The following PRKG1 variants were observed in gnomAD, a reference collection of about 807,000 sequenced individuals.
PRKG1 encodes the protein cGMP-dependent protein kinase 1.
Under a neutral mutation model 88.1 loss-of-function variants are expected in PRKG1, and 35 were observed. The ratio of observed to expected loss-of-function variants is 0.40; its 90% CI spans 0.30 to 0.53. The LOEUF (loss-of-function observed/expected upper bound fraction) is 0.53. PRKG1 is among the 20% of genes least tolerant of loss of function. PRKG1 has a pLI of 0.59. For missense variants in PRKG1, 540 were observed against 839.8 expected, an observed-to-expected ratio of 0.64 and a Z score of 4.41; for synonymous variants, 303 against 292.5, an observed-to-expected ratio of 1.04 and a Z score of -0.37.
rs113645943 is a variant in PRKG1 at position 51,535,556 on chromosome 10, C to A, written c.592+67720C>A. Among the ~76,000 whole-genome samples the A allele has an allele frequency of 6.1e-3, 922 of 152,084 alleles. 10 individuals are homozygous for A. Among genetic ancestry groups the A allele is most frequent in the African/African-American group, 0.021 (865 of 41,484 alleles). On this transcript the variant is annotated intron_variant, in intron 3 of 17. Transcript: ENST00000373980. ...AAATCAATTTTTGTTATAAGAAAGT[C>A]GTTTTATCTTTTATCTTTTTCTTGG... is the stretch of plus-strand genomic sequence containing the variant.
chr10:51,804,713 G>A (rs2132611466), intron 4 of PRKG1, 23 bp downstream of exon 4: 2 of 1,471,092 alleles, frequency 1.4e-6, no homozygotes, highest in Non-Finnish European at 9.5e-7. Flanking sequence ...CTTTTCTCTT[G>A]TGAGAGTGTT....
intron 7 of PRKG1, among the ~76,000 whole-genome samples, chr10:52,132,658 C>A (rs1837297499): frequency 6.6e-6 from 1 of 152,158 alleles, no homozygotes; most frequent in Middle Eastern, 3.4e-3. Context: ...AATGCTATAT[C>A]ATTTCATATG....
In PRKG1 at chr10:51,077,960, T is replaced by C. The variant is rs868017936; in HGVS notation, c.311+3059T>C. On this transcript the variant is annotated intron_variant, in intron 1 of 17. Coordinates refer to ENST00000373980, the MANE Select transcript of PRKG1 (RefSeq NM_006258.4). ...GATTGCCTATATAGAATAGTTCTTA[T>C]GGACTTAAGTAATTTTATTTCATGA... 2.6e-5 allele frequency among the ~76,000 whole-genome samples: 4 copies of C among 152,244 alleles called. No individual in the cohort carries two copies. The East Asian group carries it at 5.8e-4, about 22-fold the overall frequency.
At chr10:51,580,989 T>C (rs1434358551) in intron 3 of PRKG1, among the ~76,000 whole-genome samples, 3 of 150,090 alleles carry the variant, frequency 2.0e-5, no homozygotes, top group Non-Finnish European at 4.4e-5. Context: ...ACGCACAAGA[T>C]AGTGAAAGCT....
intron 3 of PRKG1, among the ~76,000 whole-genome samples, chr10:51,479,206 A>G (rs868330481): frequency 6.6e-6 from 1 of 152,030 alleles, no homozygotes; most frequent in Non-Finnish European, 1.5e-5. Context: ...TGTTTTCCTT[A>G]TAATTATTTG....
At chr10:51,137,380 A>G (rs1845714867) in intron 1 of PRKG1, among the ~76,000 whole-genome samples, 1 of 152,200 alleles carries the variant, frequency 6.6e-6, no homozygotes, top group South Asian at 2.1e-4. Flanking sequence ...CAACTGGATC[A>G]TACCCCAAGC....
chr10:51,780,785 C>T (rs73347256), intron 3 of PRKG1, among the ~76,000 whole-genome samples: 131 of 152,156 alleles, frequency 8.6e-4, no homozygotes, highest in African/African-American at 3.0e-3. Context: ...AATAAAACTG[C>T]GAAGGTCATT....
chr10:51,407,675 C>G (rs115615962), intron 2 of PRKG1, among the ~76,000 whole-genome samples: 7 of 152,274 alleles, frequency 4.6e-5, no homozygotes, highest in African/African-American at 1.7e-4. Context: ...GTTGAGTGAC[C>G]TAAACCTTCA....
chr10:51,601,201 G>A (rs1159063623), intron 3 of PRKG1, among the ~76,000 whole-genome samples: 1 of 152,030 alleles, frequency 6.6e-6, no homozygotes, highest in Non-Finnish European at 1.5e-5. Flanking sequence ...CAACTTCTTG[G>A]GGAAGGGAAT....
intron 5 of PRKG1, among the ~76,000 whole-genome samples, chr10:51,914,764 T>C (rs1464586995): frequency 2.6e-5 from 4 of 152,224 alleles, no homozygotes; most frequent in African/African-American, 9.6e-5. Flanking sequence ...TTATGAGTTG[T>C]TCTGATTTGT....
At chr10:51,177,392 T>C (rs1837223238) in intron 2 of PRKG1, among the ~76,000 whole-genome samples, 1 of 152,198 alleles carries the variant, frequency 6.6e-6, no homozygotes, top group African/African-American at 2.4e-5. Context: ...AATGTAAATA[T>C]TTCAATTTAA....
At chr10:52,255,230 C>T (rs73346996) in intron 10 of PRKG1, among the ~76,000 whole-genome samples, 11,661 of 152,030 alleles carry the variant, frequency 0.077, 597 homozygotes, top group Middle Eastern at 0.14. Flanking sequence ...TCTTCATTTA[C>T]AAAGTATAAC....
At chr10:52,233,276 A>G (rs562140920) in intron 9 of PRKG1, among the ~76,000 whole-genome samples, 1 of 151,576 alleles carries the variant, frequency 6.6e-6, no homozygotes, top group Non-Finnish European at 1.5e-5. Flanking sequence ...GGAAAAAGGA[A>G]GTCAAATATG....
At chr10:51,597,794 A>G (rs146439460) in intron 3 of PRKG1, among the ~76,000 whole-genome samples, 250 of 152,344 alleles carry the variant, frequency 1.6e-3, no homozygotes, top group African/African-American at 5.9e-3. Flanking sequence ...TATTACTTAT[A>G]TAAGCACAAT....
intron 2 of PRKG1, among the ~76,000 whole-genome samples, chr10:51,426,627 A>G (rs927996424): frequency 6.6e-6 from 1 of 152,208 alleles, no homozygotes; most frequent in African/African-American, 2.4e-5. Flanking sequence ...AATTAAGTAG[A>G]CAAAAATAGA....
intron 5 of PRKG1, among the ~76,000 whole-genome samples, chr10:52,043,878 T>G: frequency 1.4e-5 from 2 of 144,812 alleles, no homozygotes; most frequent in South Asian, 4.5e-4. Context: ...TGAAAATCCA[T>G]TAAGTAAACA....
intron 7 of PRKG1, among the ~76,000 whole-genome samples, chr10:52,093,169 A>G (rs1847095186): frequency 6.6e-6 from 1 of 152,192 alleles, no homozygotes; most frequent in Admixed American, 6.5e-5. Flanking sequence ...TACATGACAA[A>G]TATTATATTG....
At chr10:52,184,939 A>C (rs1471150977) in intron 9 of PRKG1, 2 of 152,226 alleles carry the variant, frequency 1.3e-5, no homozygotes, top group Non-Finnish European at 2.9e-5. Flanking sequence ...GTCACCTCCT[A>C]CCAGGCTCCA....
At chr10:51,137,046 G>A (rs1845703868) in intron 1 of PRKG1, among the ~76,000 whole-genome samples, 1 of 151,970 alleles carries the variant, frequency 6.6e-6, no homozygotes, top group Admixed American at 6.6e-5. Context: ...CACCATGCCT[G>A]GCTAATTTTT....
Sources: gnomAD v4.1 joint callset for allele counts (sites outside exome capture counted in the v4.1 genomes callset) on GRCh38, gnomAD v4.1.1 for gene constraint, MANE v1.5 for transcripts, NCBI Gene and HGNC (gene_info 2026-07-23, HGNC 2026-07-21) for gene names.